Variants in ZHX3 observed in about 807,000 individuals in gnomAD.
ZHX3 encodes zinc fingers and homeoboxes 3, also known as zinc fingers and homeoboxes protein 3.
ZHX3 carries 20 observed loss-of-function variants against 64.5 expected under a neutral mutation model. The ratio of observed to expected loss-of-function variants is 0.31; its 90% CI spans 0.22 to 0.45. The LOEUF (loss-of-function observed/expected upper bound fraction) is 0.45, where lower values mean the gene tolerates loss of function less well. Among genes scored for constraint, ZHX3 ranks in the 20% least tolerant of loss-of-function variants. The pLI, the probability that ZHX3 is intolerant of heterozygous loss-of-function variation, is 1.00. For synonymous variants in ZHX3, 423 were observed against 461.6 expected, an observed-to-expected ratio of 0.92 and a Z score of 1.07; for missense variants, 1,041 against 1,195.8, an observed-to-expected ratio of 0.87 and a Z score of 1.91.
intron 2 of ZHX3, among the ~76,000 whole-genome samples, chr20:41,244,163 A>G (rs1426500754): frequency 6.6e-6 from 1 of 152,046 alleles, no homozygotes; most frequent in African/African-American, 2.4e-5. Flanking sequence ...AAGTCTCCAG[A>G]CACTGCCAAA....
Position 41,212,886 on chromosome 20 carries a change from C to T in ZHX3, c.-150-7820G>A, listed in dbSNP as rs2039268156. Among the ~76,000 whole-genome samples the T allele has an allele frequency of 6.6e-6, 1 of 151,406 alleles. No individual in the cohort carries two copies. The highest frequency in any genetic ancestry group is 1.5e-5 in the Non-Finnish European group (1 of 67,890). On this transcript the variant is annotated intron_variant, in intron 2 of 3. Coordinates refer to ENST00000683867, the MANE Select transcript of ZHX3 (RefSeq NM_001384317.1). The surrounding 1 kb of genome is among the most constrained non-coding windows in gnomAD (Gnocchi z 4.3). ...AGTATATACACAGTATAAATAAAAA[C>T]ATGTCCACCCCAAAATATGTACACA... is the stretch of plus-strand genomic sequence containing the variant.
rs571892774 is a variant in ZHX3 at position 41,209,696 on chromosome 20, G to T, written c.-150-4630C>A. ...TTACACCTTATACAAAAATTAATTC[G>T]AGATGGATTAAAGACTTAAATGTTA... On this transcript the variant is annotated intron_variant, in intron 2 of 3. Transcript: ENST00000683867. Among the ~76,000 whole-genome samples the T allele has an allele frequency of 7.2e-5, 11 of 152,100 alleles. No individual in the cohort carries two copies. In the South Asian group the frequency reaches 2.3e-3, roughly 32 times the overall value.
rs1201776279 is a variant in ZHX3, at chr20:41,185,347, C to T, written c.2861-146G>A. 1 of 948,890 alleles carries T rather than the reference C, an allele frequency of 1.1e-6. No individual in the cohort carries two copies. The highest frequency in any genetic ancestry group is 1.6e-6 in the Non-Finnish European group (1 of 639,104). The allele number at this position is 948,890 out of a possible 1,614,324, so 58.8% of individuals were successfully genotyped here. ...GCAATGAATGGCCTTCTGCCACCCA[C>T]TCCCCCACCCTCCAGCCTGAGGGAA... On this transcript the variant is annotated intron_variant, in intron 3 of 3. Coordinates refer to ENST00000683867, the MANE Select transcript of ZHX3 (RefSeq NM_001384317.1). The surrounding 1 kb of genome is among the most constrained non-coding windows in gnomAD (Gnocchi z 5.0).
rs1361941135 is a variant in ZHX3, at chr20:41,313,807, A to G, written c.-245+3702T>C. The stretch of plus-strand genomic sequence containing the variant: ...GAGACGGGGTTTCACCGTGTTAGCC[A>G]GGATGGTCTCGATCTCCTGACCTCG... On this transcript the variant is annotated intron_variant, in intron 1 of 3. Transcript: ENST00000683867. Among the ~76,000 whole-genome samples, 5 of 152,296 alleles carry G rather than the reference A, an allele frequency of 3.3e-5. No individual in the cohort carries two copies. In the South Asian group the frequency reaches 6.2e-4, roughly 19 times the overall value.
intron 2 of ZHX3, among the ~76,000 whole-genome samples, chr20:41,253,867 A>T (rs1161118960): frequency 6.6e-6 from 1 of 151,604 alleles, no homozygotes; most frequent in Admixed American, 6.6e-5. Context: ...GATGGCTGAA[A>T]ACTGGTAGTG....
rs909692790 is a variant in ZHX3 at position 41,304,048 on chromosome 20, C to A, written c.-245+13461G>T. On this transcript the variant is annotated intron_variant, in intron 1 of 3. Transcript: ENST00000683867. ...TCTCTTACTTTACCTTTTCATGGCA[C>A]TTAACACTGCTGTACTCCCACCTTC... 9.8e-5 allele frequency among the ~76,000 whole-genome samples: 15 copies of A among 152,310 alleles called. No individual in the cohort carries two copies. In the East Asian group the frequency reaches 2.9e-3, roughly 29 times the overall value.
chr20:41,249,633 G>C (rs1302640625), intron 2 of ZHX3, among the ~76,000 whole-genome samples: 2 of 152,162 alleles, frequency 1.3e-5, no homozygotes, highest in Non-Finnish European at 2.9e-5. Context: ...CCAATACAAA[G>C]TCTAATCTAC....
chr20:41,277,344 C>T (rs2043433198), intron 1 of ZHX3, among the ~76,000 whole-genome samples: 2 of 152,128 alleles, frequency 1.3e-5, no homozygotes, highest in Admixed American at 1.3e-4. Flanking sequence ...TTTAAAATGA[C>T]ACAAACATTT....
chr20:41,218,953 G>T lies in ZHX3; in HGVS notation c.-150-13887C>A, dbSNP rs192047312. 9.5e-5 allele frequency among the ~76,000 whole-genome samples: 12 copies of T among 126,576 alleles called. No individual in the cohort carries two copies. In the South Asian group the frequency reaches 3.0e-3, roughly 32 times the overall value. The allele number at this position is 126,576 out of a possible 152,430, so 83.0% of individuals were successfully genotyped here. On this transcript the variant is annotated intron_variant, in intron 2 of 3. Coordinates refer to ENST00000683867, the MANE Select transcript of ZHX3 (RefSeq NM_001384317.1). ...TTTTTTTTTTTTTTTTTTTTGAGAC[G>T]GAGTCTCGCTCTGTCGCCTAGGCTG...
chr20:41,192,202 G>C (rs2037083350), intron 3 of ZHX3, among the ~76,000 whole-genome samples: 1 of 152,184 alleles, frequency 6.6e-6, no homozygotes, highest in Non-Finnish European at 1.5e-5. Context: ...GTGGCCAAGT[G>C]GGTAAGCCCC....
In ZHX3 at chr20:41,182,635, G is replaced by C. The variant is rs4297946; in HGVS notation, c.*2556C>G. The C allele has an allele frequency of 0.57, 87,330 of 152,212 alleles. 26,513 individuals are homozygous for C. The highest frequency in any genetic ancestry group is 0.82 in the East Asian group (4,242 of 5,178). 9.4% of individuals were successfully genotyped at this position (152,212 alleles called of 1,614,324 possible). ...TCATCTTTCAAGGATAAGGTCCAGA[G>C]CATACTCACTCACTCTCATCCAACA... On this transcript the variant is annotated 3_prime_UTR_variant, in exon 4 of 4. Transcript: ENST00000683867. The surrounding 1 kb of genome is among the most constrained non-coding windows in gnomAD (Gnocchi z 6.1).
intron 1 of ZHX3, among the ~76,000 whole-genome samples, chr20:41,300,657 G>A (rs1458976218): frequency 6.6e-6 from 1 of 152,328 alleles, no homozygotes; most frequent in Non-Finnish European, 1.5e-5. Context: ...GTCAGAGAAG[G>A]CTTTTGGAGG....
At chr20:41,230,328 C>T (rs183234250) in intron 2 of ZHX3, among the ~76,000 whole-genome samples, 84 of 152,154 alleles carry the variant, frequency 5.5e-4, no homozygotes, top group East Asian at 4.8e-3. Flanking sequence ...CAACAGCTAA[C>T]GTCATGGGAT....
chr20:41,199,954 C>A (rs550687615), intron 3 of ZHX3, among the ~76,000 whole-genome samples: 1 of 152,298 alleles, frequency 6.6e-6, no homozygotes, highest in Non-Finnish European at 1.5e-5. Context: ...ACACCTCAGC[C>A]TCCCAAAGTG....
intron 2 of ZHX3, among the ~76,000 whole-genome samples, chr20:41,268,102 C>T (rs753626752): frequency 1.3e-5 from 2 of 152,112 alleles, no homozygotes; most frequent in African/African-American, 2.4e-5. Context: ...GGGAAAATTC[C>T]CACGGGCTGG....
rs1472065388 is a variant in ZHX3 at position 41,195,207 on chromosome 20, C to T, written c.2860+6850G>A. On this transcript the variant is annotated intron_variant, in intron 3 of 3. Coordinates refer to ENST00000683867, the MANE Select transcript of ZHX3 (RefSeq NM_001384317.1). This position sits in a 1 kb window ranked among gnomAD's most constrained non-coding sequence, Gnocchi z 4.2. ...AAGTATAGCTCACTATAACCTCAAA[C>T]TCCTGGTAAACAATCCTCCCACCCC... Among the ~76,000 whole-genome samples, 1 of 152,168 alleles carries T rather than the reference C, an allele frequency of 6.6e-6. No homozygotes were observed. Among genetic ancestry groups the T allele is most frequent in the African/African-American group, 2.4e-5 (1 of 41,444 alleles).
intron 1 of ZHX3, among the ~76,000 whole-genome samples, chr20:41,286,802 C>A (rs1045099187): frequency 2.6e-5 from 4 of 152,152 alleles, no homozygotes; most frequent in Admixed American, 6.5e-5. Flanking sequence ...AAAGGAGGGA[C>A]CTGGTGGGAG....
chr20:41,311,571 T>C (rs1274920530), intron 1 of ZHX3, among the ~76,000 whole-genome samples: 3 of 152,236 alleles, frequency 2.0e-5, no homozygotes, highest in Non-Finnish European at 4.4e-5. Context: ...CAGGGATTAA[T>C]ATTGCAGCAT....
chr20:41,263,883 A>G (rs1600553386), intron 2 of ZHX3, among the ~76,000 whole-genome samples: 1 of 152,194 alleles, frequency 6.6e-6, no homozygotes, highest in East Asian at 1.9e-4. Flanking sequence ...TTAAAGTTTT[A>G]TATTTCAACT....
Sources: allele counts gnomAD v4.1 joint callset (sites outside exome capture counted in the v4.1 genomes callset), GRCh38; gene constraint gnomAD v4.1.1; non-coding constraint Gnocchi (gnomAD v3.1); transcripts MANE v1.5; gene names NCBI Gene and HGNC (gene_info 2026-07-23, HGNC 2026-07-21).